The following BBX variants were observed in gnomAD, a reference collection of about 807,000 sequenced individuals.
BBX encodes the protein HMG box transcription factor BBX.
BBX carries 30 observed loss-of-function variants against 100.2 expected under a neutral mutation model. That is an observed-to-expected ratio of 0.30 (90% CI 0.22 to 0.41). The LOEUF (loss-of-function observed/expected upper bound fraction) is 0.41. Among genes scored for constraint, BBX ranks in the 10% least tolerant of loss-of-function variants. BBX has a pLI of 1.00. For synonymous variants in BBX, 376 were observed against 388.1 expected (o/e 0.97, Z 0.37); for missense variants, 1,023 against 1,129.8 (o/e 0.91, Z 1.35).
At chr3:107,692,298 A>C (rs1262837312) in intron 3 of BBX, among the ~76,000 whole-genome samples, 1 of 151,716 alleles carries the variant, frequency 6.6e-6, no homozygotes, top group African/African-American at 2.4e-5. Context: ...GCACCTACTA[A>C]CTCGTCATCT....
chr3:107,714,708 G>C (rs2061978261), intron 4 of BBX, among the ~76,000 whole-genome samples: 2 of 152,046 alleles, frequency 1.3e-5, no homozygotes, highest in Non-Finnish European at 2.9e-5. Context: ...AGATGGCTAT[G>C]ACCTCAAGAT....
At chr3:107,729,918 T>A (rs941835221) in intron 6 of BBX, among the ~76,000 whole-genome samples, 2 of 152,104 alleles carry the variant, frequency 1.3e-5, no homozygotes. Flanking sequence ...CTATATAATC[T>A]ACAAAAAATA....
chr3:107,583,140 A>G (rs1236126226), intron 2 of BBX, among the ~76,000 whole-genome samples: 3 of 151,942 alleles, frequency 2.0e-5, no homozygotes, highest in Non-Finnish European at 2.9e-5. Flanking sequence ...CTTTAAGTAT[A>G]TGGGACTTGT....
intron 2 of BBX, among the ~76,000 whole-genome samples, chr3:107,632,992 A>G (rs1042824881): frequency 5.3e-5 from 8 of 152,226 alleles, no homozygotes; most frequent in African/African-American, 1.9e-4. Flanking sequence ...ACTGATGTAC[A>G]TAGAGAAGCC....
intron 3 of BBX, among the ~76,000 whole-genome samples, chr3:107,682,558 C>A (rs1312928598): frequency 6.6e-6 from 1 of 152,108 alleles, no homozygotes; most frequent in Non-Finnish European, 1.5e-5. Context: ...AACAGTATTT[C>A]TGCTCTCCCA....
At chr3:107,698,510 G>A (rs2108163464) in intron 3 of BBX, among the ~76,000 whole-genome samples, 1 of 151,550 alleles carries the variant, frequency 6.6e-6, no homozygotes, top group African/African-American at 2.4e-5. Flanking sequence ...AAATTAGTCA[G>A]GTGTGATGGC....
chr3:107,763,043 T>C (rs1226818625), intron 10 of BBX, among the ~76,000 whole-genome samples: 1 of 152,046 alleles, frequency 6.6e-6, no homozygotes, highest in Non-Finnish European at 1.5e-5. Context: ...ATATGAAACA[T>C]AAATGAATTT....
chr3:107,575,475 A>G (rs2051704546), intron 2 of BBX, among the ~76,000 whole-genome samples: 1 of 152,178 alleles, frequency 6.6e-6, no homozygotes, highest in Non-Finnish European at 1.5e-5. Flanking sequence ...GTTTTCATTT[A>G]GGGAAAAAAA....
rs1487616901 is a variant in BBX, at chr3:107,584,019, AT to A, written c.-84+57623del. Among the ~76,000 whole-genome samples, 59 of 74,804 alleles carry A rather than the reference AT, an allele frequency of 7.9e-4. 1 individual carries two copies. Among genetic ancestry groups the A allele is most frequent in the African/African-American group, 3.2e-3 (56 of 17,722 alleles). The allele number at this position is 74,804 out of a possible 152,430, so 49.1% of individuals were successfully genotyped here. A position where few individuals can be genotyped will look rare whatever the true frequency, so the allele number is the denominator to read the frequency against. ...TTATATTATTATATATATTATACAT[AT>A]TATTATATATATTAATTATATATAT... is the stretch of plus-strand genomic sequence containing the variant. On this transcript the variant is annotated intron_variant, in intron 2 of 17. Coordinates refer to ENST00000325805, the MANE Select transcript of BBX (RefSeq NM_001142568.3).
At chr3:107,697,953 C>T (rs1354910940) in intron 3 of BBX, among the ~76,000 whole-genome samples, 3 of 151,894 alleles carry the variant, frequency 2.0e-5, no homozygotes, top group African/African-American at 4.9e-5. Context: ...GGGAGTGACC[C>T]GATTTTCCAG....
At chr3:107,596,258 G>A (rs1489886412) in intron 2 of BBX, among the ~76,000 whole-genome samples, 1 of 152,000 alleles carries the variant, frequency 6.6e-6, no homozygotes, top group Non-Finnish European at 1.5e-5. Context: ...GGGGTTGGGG[G>A]CAGGAATGGG....
chr3:107,725,308 G>A (rs2062839190), intron 5 of BBX, among the ~76,000 whole-genome samples: 1 of 152,106 alleles, frequency 6.6e-6, no homozygotes, highest in African/African-American at 2.4e-5. Context: ...GAGATTTTGG[G>A]CTGAGACAAT....
chr3:107,636,576 C>T (rs1475102835), intron 2 of BBX, among the ~76,000 whole-genome samples: 1 of 152,152 alleles, frequency 6.6e-6, no homozygotes, highest in Non-Finnish European at 1.5e-5. Flanking sequence ...ATCTCTCAGG[C>T]TGCTTCAGGA....
At chr3:107,771,597 ACTATT>A (rs2066913546) in intron 10 of BBX, among the ~76,000 whole-genome samples, 1 of 152,330 alleles carries the variant, frequency 6.6e-6, no homozygotes, top group African/African-American at 2.4e-5. Flanking sequence ...AGTGAAATAA[ACTATT>A]TAAGACTATA....
chr3:107,739,870 G>A (rs923220999), intron 7 of BBX, among the ~76,000 whole-genome samples: 4 of 152,100 alleles, frequency 2.6e-5, no homozygotes, highest in African/African-American at 9.7e-5. Context: ...AAAGGTGATC[G>A]GAGTTATCTC....
At chr3:107,712,987 A>G (rs2061830877) in intron 4 of BBX, among the ~76,000 whole-genome samples, 2 of 152,196 alleles carry the variant, frequency 1.3e-5, no homozygotes, top group African/African-American at 4.8e-5. Flanking sequence ...TCATATTATT[A>G]TCCTGCAGAC....
rs142878495 is a variant in BBX at position 107,802,663 on chromosome 3, G to A, written c.2738+1382G>A. Among the ~76,000 whole-genome samples, 945 of 152,352 alleles carry A rather than the reference G, an allele frequency of 6.2e-3. 9 individuals are homozygous for A. The highest frequency in any genetic ancestry group is 0.021 in the African/African-American group (891 of 41,576). ...CTAGCACATAAGCAGCTTGGCTGCTGCCTGTGTTCTAAGCGTGGTCACACC... is the reference window on the plus strand; with the variant it reads ...CTAGCACATAAGCAGCTTGGCTGCTACCTGTGTTCTAAGCGTGGTCACACC... On this transcript the variant is annotated intron_variant, in intron 17 of 17. Transcript: ENST00000325805.
chr3:107,577,672 T>C (rs2051898775), intron 2 of BBX, among the ~76,000 whole-genome samples: 1 of 152,136 alleles, frequency 6.6e-6, no homozygotes, highest in African/African-American at 2.4e-5. Flanking sequence ...CAATTGATAA[T>C]AAATAGTAAA....
intron 2 of BBX, among the ~76,000 whole-genome samples, chr3:107,602,291 T>C (rs1006514779): frequency 3.3e-5 from 5 of 152,254 alleles, no homozygotes; most frequent in African/African-American, 9.6e-5. Context: ...CAAAGTCTTA[T>C]TATTTAAGAA....
Sources: gnomAD v4.1 joint callset for allele counts (sites outside exome capture counted in the v4.1 genomes callset) on GRCh38, gnomAD v4.1.1 for gene constraint, MANE v1.5 for transcripts, NCBI Gene and HGNC (gene_info 2026-07-23, HGNC 2026-07-21) for gene names.